The following ANKRD29 variants were observed in gnomAD, a reference collection of about 807,000 sequenced individuals.
The protein encoded by ANKRD29 is ankyrin repeat domain-containing protein 29.
A neutral mutation model predicts 38.0 loss-of-function variants in ANKRD29; 32 were observed. The observed-to-expected ratio is 0.84, with a 90% CI of 0.64 to 1.13. The LOEUF (loss-of-function observed/expected upper bound fraction) is 1.13, where lower values mean the gene tolerates loss of function less well. Among genes scored for constraint, ANKRD29 ranks in the 50% most tolerant of loss-of-function variants. The pLI, the probability that ANKRD29 is intolerant of heterozygous loss-of-function variation, is 0.00. For synonymous variants in ANKRD29, 135 were observed against 152.4 expected, an observed-to-expected ratio of 0.89 and a Z score of 0.84; for missense variants, 357 against 377.9, an observed-to-expected ratio of 0.94 and a Z score of 0.46.
At chr18:23,662,592 A>G in intron 1 of ANKRD29, 118 bp downstream of exon 1, 2 of 959,958 alleles carry the variant, frequency 2.1e-6, no homozygotes, top group South Asian at 4.4e-5. Context: ...AGGAAGGAGG[A>G]GGCGGCGGGC....
Position 23,615,348 on chromosome 18 carries a change from C to T in ANKRD29, c.723+2384G>A, listed in dbSNP as rs143007063. On this transcript the variant is annotated intron_variant, in intron 8 of 9. Transcript: ENST00000592179. The stretch of plus-strand genomic sequence containing the variant: ...AAATGATTTTAAAAAGATTAAAAGA[C>T]GAAAAATATTTTGTAATATGTGAAA... Among the ~76,000 whole-genome samples, 280 of 151,626 alleles carry T rather than the reference C, an allele frequency of 1.8e-3. 1 individual carries two copies. The highest frequency in any genetic ancestry group is 6.1e-3 in the African/African-American group (253 of 41,350).
At chr18:23,616,595 C>G (rs957568238) in intron 8 of ANKRD29, among the ~76,000 whole-genome samples, 2 of 131,856 alleles carry the variant, frequency 1.5e-5, no homozygotes, top group African/African-American at 3.1e-5. Context: ...TATATATATA[C>G]TATATATACT....
intron 9 of ANKRD29, 122 bp from the exon 10 acceptor site, chr18:23,601,431 C>T (rs1001130195): frequency 2.9e-6 from 2 of 686,792 alleles, no homozygotes; most frequent in Admixed American, 5.3e-5. Flanking sequence ...ACACTGGACT[C>T]ACTCTTTTAT....
At chr18:23,653,123 G>A (rs1315135136) in intron 1 of ANKRD29, among the ~76,000 whole-genome samples, 3 of 152,162 alleles carry the variant, frequency 2.0e-5, no homozygotes, top group South Asian at 2.1e-4. Context: ...ATGTGCAGTC[G>A]GCTACACTCT....
chr18:23,602,899 A>T (rs1472437034), intron 9 of ANKRD29, among the ~76,000 whole-genome samples: 1 of 152,258 alleles, frequency 6.6e-6, no homozygotes, highest in African/African-American at 2.4e-5. Flanking sequence ...AAAACAAGTA[A>T]AAATTCTCAG....
At chr18:23,646,104 C>T (rs2060136062) in intron 3 of ANKRD29, 85 bp downstream of exon 3, 1 of 1,261,196 alleles carries the variant, frequency 7.9e-7, no homozygotes, top group Non-Finnish European at 1.1e-6. Flanking sequence ...AATGATGGCT[C>T]TTGTCCCCCA....
At chr18:23,659,425 T>C (rs2060326633) in intron 1 of ANKRD29, among the ~76,000 whole-genome samples, 1 of 152,240 alleles carries the variant, frequency 6.6e-6, no homozygotes, top group South Asian at 2.1e-4. Context: ...GTAGTGAAAT[T>C]GCTGGGTCAT....
chr18:23,607,209 A>G (rs2059585211), intron 9 of ANKRD29, among the ~76,000 whole-genome samples: 1 of 152,200 alleles, frequency 6.6e-6, no homozygotes. Context: ...GCTGGATTCA[A>G]TCACAGAGGA....
At chr18:23,624,932 A>T (rs1443252279) in intron 6 of ANKRD29, among the ~76,000 whole-genome samples, 3 of 152,208 alleles carry the variant, frequency 2.0e-5, no homozygotes, top group South Asian at 4.1e-4. Flanking sequence ...GTATGGTCTT[A>T]TGTAGGCTCC....
intron 6 of ANKRD29, among the ~76,000 whole-genome samples, chr18:23,625,277 G>A (rs2059849012): frequency 6.6e-6 from 1 of 152,170 alleles, no homozygotes; most frequent in Non-Finnish European, 1.5e-5. Flanking sequence ...ACCAGATGCT[G>A]CATTGCCCAT....
chr18:23,616,720 T>C (rs945419510), intron 8 of ANKRD29, among the ~76,000 whole-genome samples: 1 of 146,404 alleles, frequency 6.8e-6, no homozygotes, highest in Non-Finnish European at 1.5e-5. Context: ...GTAATATTTA[T>C]TACTATTTAC....
intron 1 of ANKRD29, among the ~76,000 whole-genome samples, chr18:23,651,043 A>G (rs1016458566): frequency 6.6e-6 from 1 of 152,228 alleles, no homozygotes; most frequent in South Asian, 2.1e-4. Flanking sequence ...AGCTCAAAAG[A>G]AAATACCAAC....
At chr18:23,657,219 A>AT (rs763519853) in intron 1 of ANKRD29, among the ~76,000 whole-genome samples, 8 of 151,940 alleles carry the variant, frequency 5.3e-5, no homozygotes, top group Non-Finnish European at 1.0e-4. Flanking sequence ...CCTACCCCAA[A>AT]TCCTGACTTC....
At chr18:23,637,770 G>A (rs1278572078) in intron 4 of ANKRD29, among the ~76,000 whole-genome samples, 1 of 151,952 alleles carries the variant, frequency 6.6e-6, no homozygotes, top group Non-Finnish European at 1.5e-5. Context: ...TCCACAAAAA[G>A]GATTAACTAA....
intron 8 of ANKRD29, 98 bp downstream of exon 8, chr18:23,617,634 C>CA: frequency 2.4e-6 from 2 of 844,846 alleles, no homozygotes; most frequent in Non-Finnish European, 1.9e-6. Flanking sequence ...ATCCAACTAA[C>CA]CAGGCTAACT....
chr18:23,655,514 G>A (rs757045252), intron 1 of ANKRD29, among the ~76,000 whole-genome samples: 2 of 151,826 alleles, frequency 1.3e-5, no homozygotes, highest in Admixed American at 6.6e-5. Context: ...GCGTGATCTC[G>A]ACTCACTGCA....
Position 23,600,833 on chromosome 18 carries a change from T to C in ANKRD29, c.*393A>G, listed in dbSNP as rs2059502335. ...CAAAAGCAAAAGTGCCTCAATCCAT[T>C]GAAGGTCAGCTTTTCAGTCTTTTAA... is the stretch of plus-strand genomic sequence containing the variant. On this transcript the variant is annotated 3_prime_UTR_variant, in exon 10 of 10. Coordinates refer to ENST00000592179, the MANE Select transcript of ANKRD29 (RefSeq NM_173505.4). The C allele has an allele frequency of 6.3e-6, 1 of 159,736 alleles. No homozygotes were observed. The highest frequency in any genetic ancestry group is 1.4e-5 in the Non-Finnish European group (1 of 72,328). 9.9% of individuals were successfully genotyped at this position (159,736 alleles called of 1,614,324 possible).
intron 6 of ANKRD29, among the ~76,000 whole-genome samples, chr18:23,623,837 G>T (rs2059826250): frequency 6.6e-6 from 1 of 151,776 alleles, no homozygotes; most frequent in African/African-American, 2.4e-5. Context: ...TAGAGATGGG[G>T]TTTCACCGTG....
At chr18:23,625,501 T>C (rs1178569986) in intron 6 of ANKRD29, among the ~76,000 whole-genome samples, 1 of 151,934 alleles carries the variant, frequency 6.6e-6, no homozygotes, top group Non-Finnish European at 1.5e-5. Flanking sequence ...AACAGAGATA[T>C]GAAGAGACTT....
Sources: allele counts gnomAD v4.1 joint callset (sites outside exome capture counted in the v4.1 genomes callset), GRCh38; gene constraint gnomAD v4.1.1; transcripts MANE v1.5; gene names NCBI Gene and HGNC (gene_info 2026-07-23, HGNC 2026-07-21).